The following LUZP2 variants were observed in gnomAD, a reference collection of about 807,000 sequenced individuals.
LUZP2 encodes leucine zipper protein 2.
LUZP2 carries 52 observed loss-of-function variants against 51.6 expected under a neutral mutation model. The ratio of observed to expected loss-of-function variants is 1.01; its 90% CI spans 0.81 to 1.27. The LOEUF (loss-of-function observed/expected upper bound fraction) is 1.27, where lower values mean the gene tolerates loss of function less well. Ranked by LOEUF, LUZP2 falls within the 50% of genes most tolerant of loss-of-function variation. LUZP2 has a pLI of 0.00. For missense variants in LUZP2, 436 were observed against 395.4 expected (o/e 1.10, Z -0.87); for synonymous variants, 154 against 137.3 (o/e 1.12, Z -0.85).
chr11:24,849,939 CTGTT>C (rs2134219371), intron 5 of LUZP2, among the ~76,000 whole-genome samples: 1 of 152,272 alleles, frequency 6.6e-6, no homozygotes, highest in East Asian at 1.9e-4. Flanking sequence ...TGAAAAGTGT[CTGTT>C]TATATCCTTC....
intron 5 of LUZP2, among the ~76,000 whole-genome samples, chr11:24,845,683 A>T (rs1334795256): frequency 6.6e-6 from 1 of 152,140 alleles, no homozygotes; most frequent in African/African-American, 2.4e-5. Context: ...TCTTCTTGTG[A>T]TGGTGAATGA....
chr11:24,608,313 A>G (rs891275844), intron 1 of LUZP2, among the ~76,000 whole-genome samples: 4 of 152,342 alleles, frequency 2.6e-5, no homozygotes, highest in Non-Finnish European at 5.9e-5. Context: ...CAAGGCAGAC[A>G]CAGAAGGTCA....
rs1565020870 is a variant in LUZP2, at chr11:24,602,227, C to CATATGTGT, written c.62+104926_62+104927insGTGTATAT. ...ATATGTGTATATATGTATATATGTA[C>CATATGTGT]ATATATGTGTATATATGTATATATA... is the stretch of plus-strand genomic sequence containing the variant. On this transcript the variant is annotated intron_variant, in intron 1 of 11. Coordinates refer to ENST00000336930, the MANE Select transcript of LUZP2 (RefSeq NM_001009909.4). Among the ~76,000 whole-genome samples, 66 of 112,126 alleles carry CATATGTGT rather than the reference C, an allele frequency of 5.9e-4. 1 individual carries two copies. In the East Asian group the frequency reaches 0.014, roughly 23 times the overall value. The allele number at this position is 112,126 out of a possible 152,430, so 73.6% of individuals were successfully genotyped here.
chr11:24,743,484 T>C (rs1859262067), intron 4 of LUZP2, among the ~76,000 whole-genome samples: 1 of 152,128 alleles, frequency 6.6e-6, no homozygotes. Context: ...GATTTGATTC[T>C]CCACTTGGTC....
At chr11:24,803,678 C>T (rs73442850) in intron 5 of LUZP2, among the ~76,000 whole-genome samples, 7,346 of 152,030 alleles carry the variant, frequency 0.048, 594 homozygotes, top group African/African-American at 0.16. Context: ...ACATATGCCA[C>T]GACATGATGA....
chr11:24,588,336 A>G (rs549495404), intron 1 of LUZP2, among the ~76,000 whole-genome samples: 1 of 152,128 alleles, frequency 6.6e-6, no homozygotes, highest in Non-Finnish European at 1.5e-5. Context: ...ATGGGCAATG[A>G]CAGTTTCTCT....
chr11:24,919,748 T>C (rs1853967228), intron 7 of LUZP2, among the ~76,000 whole-genome samples: 1 of 150,388 alleles, frequency 6.6e-6, no homozygotes, highest in African/African-American at 2.4e-5. Context: ...TTATGAAACA[T>C]TTATCTAACT....
intron 4 of LUZP2, among the ~76,000 whole-genome samples, chr11:24,752,954 G>A (rs1474259775): frequency 6.6e-6 from 1 of 151,912 alleles, no homozygotes; most frequent in Non-Finnish European, 1.5e-5. Context: ...TGTAACATAA[G>A]CAAGATAGGA....
intron 1 of LUZP2, 24 bp from the exon 2 acceptor site, chr11:24,729,145 T>C: frequency 1.5e-6 from 2 of 1,339,284 alleles, no homozygotes; most frequent in East Asian, 2.5e-5. Context: ...TGGGGGGCTC[T>C]CATGCCTGTT....
intron 1 of LUZP2, among the ~76,000 whole-genome samples, chr11:24,654,267 CATAA>C (rs940959222): frequency 2.4e-4 from 36 of 152,260 alleles, no homozygotes; most frequent in African/African-American, 8.7e-4. Flanking sequence ...ATTTGATTTA[CATAA>C]ATAATTTCAT....
intron 1 of LUZP2, among the ~76,000 whole-genome samples, chr11:24,615,897 C>T (rs1420272136): frequency 1.3e-5 from 2 of 151,362 alleles, no homozygotes; most frequent in Non-Finnish European, 2.9e-5. Context: ...TTTGAATTTG[C>T]ATTTCCCTGA....
chr11:25,064,318 G>A (rs1858933289), intron 10 of LUZP2, among the ~76,000 whole-genome samples: 1 of 151,938 alleles, frequency 6.6e-6, no homozygotes, highest in Non-Finnish European at 1.5e-5. Context: ...AATAGATGGT[G>A]TATATTAAAT....
intron 1 of LUZP2, among the ~76,000 whole-genome samples, chr11:24,722,680 G>C (rs976033171): frequency 3.9e-5 from 6 of 152,138 alleles, no homozygotes; most frequent in African/African-American, 1.4e-4. Context: ...CACTTTGGGA[G>C]GCCAAGGCAG....
At position 24,676,089 on chromosome 11, in the gene LUZP2, G is replaced by T. The variant is rs925213650; in HGVS notation, c.63-53080G>T. Among the ~76,000 whole-genome samples, 153 of 152,082 alleles carry T rather than the reference G, an allele frequency of 1.0e-3. 2 individuals are homozygous for T. The highest frequency in any genetic ancestry group is 3.6e-3 in the African/African-American group (148 of 41,412). On this transcript the variant is annotated intron_variant, in intron 1 of 11. Coordinates refer to ENST00000336930, the MANE Select transcript of LUZP2 (RefSeq NM_001009909.4). ...CCACCTCAGCCTCCCAAAGTGCTAT[G>T]ATTACAGGAGTGAGCCACCATGCCT... is the stretch of plus-strand genomic sequence containing the variant.
At chr11:24,943,429 TCTC>T (rs1854811019) in intron 7 of LUZP2, among the ~76,000 whole-genome samples, 1 of 152,146 alleles carries the variant, frequency 6.6e-6, no homozygotes, top group Non-Finnish European at 1.5e-5. Context: ...TCCAATTAAT[TCTC>T]CTCTGTACTG....
rs559170355 is a variant in LUZP2, at chr11:24,570,594, C to T, written c.62+73289C>T. Among the ~76,000 whole-genome samples, 3 of 152,028 alleles carry T rather than the reference C, an allele frequency of 2.0e-5. No individual in the cohort carries two copies. The South Asian group carries it at 6.2e-4, about 32-fold the overall frequency. Reference sequence around the variant, plus strand: ...TGGGGCATGTCCAGAAGAGAGTGAGCAGAATTAGTCATCTTCAGCAACGGC... The same window carrying T: ...TGGGGCATGTCCAGAAGAGAGTGAGTAGAATTAGTCATCTTCAGCAACGGC... On this transcript the variant is annotated intron_variant, in intron 1 of 11. Coordinates refer to ENST00000336930, the MANE Select transcript of LUZP2 (RefSeq NM_001009909.4).
At chr11:24,880,872 T>C (rs1231269001) in intron 5 of LUZP2, among the ~76,000 whole-genome samples, 1 of 152,210 alleles carries the variant, frequency 6.6e-6, no homozygotes, top group Non-Finnish European at 1.5e-5. Flanking sequence ...GTTTTCTTTT[T>C]CTTCCCTCTG....
At chr11:24,852,647 T>A (rs1851432925) in intron 5 of LUZP2, among the ~76,000 whole-genome samples, 1 of 152,188 alleles carries the variant, frequency 6.6e-6, no homozygotes, top group South Asian at 2.1e-4. Flanking sequence ...TGCGTTCAAG[T>A]CCTGAGTATC....
chr11:25,017,139 A>C (rs566830430), intron 9 of LUZP2, among the ~76,000 whole-genome samples: 8 of 152,124 alleles, frequency 5.3e-5, no homozygotes, highest in Admixed American at 2.0e-4. Context: ...TTTCTTGCTG[A>C]TTTGTTTAAG....
Sources: allele counts gnomAD v4.1 joint callset (sites outside exome capture counted in the v4.1 genomes callset), GRCh38; gene constraint gnomAD v4.1.1; transcripts MANE v1.5; gene names NCBI Gene and HGNC (gene_info 2026-07-23, HGNC 2026-07-21).